Variants in PDS5A observed in about 807,000 individuals in gnomAD.
PDS5A encodes sister chromatid cohesion protein PDS5 homolog A.
PDS5A carries 42 observed loss-of-function variants against 167.1 expected under a neutral mutation model. The ratio of observed to expected loss-of-function variants is 0.25; its 90% CI spans 0.20 to 0.33. PDS5A has a LOEUF of 0.33. Among genes scored for constraint, PDS5A ranks in the 10% least tolerant of loss-of-function variants. PDS5A has a pLI of 1.00. For synonymous variants in PDS5A, 553 were observed against 554.6 expected (o/e 1.00, Z 0.04); for missense variants, 1,033 against 1,605.9 (o/e 0.64, Z 6.10).
intron 2 of PDS5A, among the ~76,000 whole-genome samples, chr4:39,952,811 C>T (rs1198995768): frequency 6.6e-6 from 1 of 151,104 alleles, no homozygotes; most frequent in African/African-American, 2.4e-5. Context: ...TCACTGCAAC[C>T]TCTGCCTCCC....
intron 32 of PDS5A, among the ~76,000 whole-genome samples, chr4:39,834,184 CA>C (rs34080418): frequency 0.071 from 7,700 of 108,214 alleles, 270 homozygotes; most frequent in East Asian, 0.28. Context: ...GATATTGTCT[CA>C]AAAAAAAAAA....
chr4:39,973,280 C>G, intron 2 of PDS5A: 1 of 1,602,160 alleles, frequency 6.2e-7, no homozygotes, highest in South Asian at 1.1e-5. Context: ...TCTTGAGGGG[C>G]AGATGCCAAC....
At chr4:39,853,513 G>C (rs1578609104) in intron 26 of PDS5A, among the ~76,000 whole-genome samples, 1 of 152,108 alleles carries the variant, frequency 6.6e-6, no homozygotes, top group Non-Finnish European at 1.5e-5. Flanking sequence ...CCTACCAGTA[G>C]ACTCTGCTCC....
intron 3 of PDS5A, among the ~76,000 whole-genome samples, chr4:39,927,207 G>T: frequency 6.6e-6 from 1 of 152,148 alleles, no homozygotes; most frequent in East Asian, 1.9e-4. Flanking sequence ...ATTTTAAGGA[G>T]TTGGATATGA....
At chr4:39,891,195 G>T (rs1009176146) in intron 16 of PDS5A, among the ~76,000 whole-genome samples, 2 of 150,920 alleles carry the variant, frequency 1.3e-5, no homozygotes, top group African/African-American at 2.4e-5. Context: ...CACCATGCCC[G>T]GCTAATTTTA....
At chr4:39,921,922 T>C (rs1725014894) in intron 6 of PDS5A, among the ~76,000 whole-genome samples, 1 of 152,220 alleles carries the variant, frequency 6.6e-6, no homozygotes, top group Non-Finnish European at 1.5e-5. Context: ...TCGAGAAGAA[T>C]TTAAAATTAA....
intron 11 of PDS5A, among the ~76,000 whole-genome samples, chr4:39,907,153 G>A (rs549345455): frequency 1.3e-5 from 2 of 152,164 alleles, no homozygotes; most frequent in East Asian, 3.9e-4. Context: ...TTTTTAAATG[G>A]GGGAAGGGAG....
rs1201257109 is a variant in PDS5A at position 39,844,410 on chromosome 4, G to C, written c.3548+246C>G. ...GAATTGCTTGAACCCGGGAGGCAGA[G>C]GTTGCAGTGAACCAAGATTGCGCCA... On this transcript the variant is annotated intron_variant, in intron 30 of 32. Coordinates refer to ENST00000303538, the MANE Select transcript of PDS5A (RefSeq NM_001100399.2). 2.6e-5 allele frequency among the ~76,000 whole-genome samples: 4 copies of C among 151,030 alleles called. No individual in the cohort carries two copies. The South Asian group carries it at 6.2e-4, about 24-fold the overall frequency.
intron 2 of PDS5A, among the ~76,000 whole-genome samples, chr4:39,944,746 T>A (rs1030439862): frequency 6.7e-6 from 1 of 149,844 alleles, no homozygotes; most frequent in African/African-American, 2.5e-5. Flanking sequence ...GCATGGCGGG[T>A]TCAAAGGCTT....
intron 2 of PDS5A, among the ~76,000 whole-genome samples, chr4:39,947,290 C>T (rs147213771): frequency 0.033 from 5,066 of 152,070 alleles, 213 homozygotes; most frequent in East Asian, 0.23. Context: ...CCCATCTCTA[C>T]TAAAAATACA....
In PDS5A at chr4:39,908,557, AAAAC is replaced by A. The variant is rs781360260; in HGVS notation, c.1088-21_1088-18del. ...TTAAATATTCTGTAATAAGAGAAAA[AAAAC>A]TTAGGCTAAATGTTAGCTATGTAAT... On this transcript the variant is annotated intron_variant, in intron 10 of 32. Coordinates refer to ENST00000303538, the MANE Select transcript of PDS5A (RefSeq NM_001100399.2). 6.8e-6 allele frequency: 10 copies of A among 1,478,432 alleles called. No individual in the cohort carries two copies. The African/African-American group carries it at 1.4e-4, about 21-fold the overall frequency. The allele number at this position is 1,478,432 out of a possible 1,614,324, so 91.6% of individuals were successfully genotyped here. A position where few individuals can be genotyped will look rare whatever the true frequency, so the allele number is the denominator to read the frequency against.
At chr4:39,876,628 T>C (rs1290915066) in intron 19 of PDS5A, among the ~76,000 whole-genome samples, 1 of 152,182 alleles carries the variant, frequency 6.6e-6, no homozygotes, top group Non-Finnish European at 1.5e-5. Flanking sequence ...GATAGCAAAG[T>C]GACAGTTATT....
intron 11 of PDS5A, among the ~76,000 whole-genome samples, chr4:39,906,172 A>G (rs1419839213): frequency 6.6e-6 from 1 of 152,216 alleles, no homozygotes; most frequent in African/African-American, 2.4e-5. Flanking sequence ...GTTCGAGACC[A>G]GCTTGGGCAA....
At chr4:39,958,427 A>G (rs1044705412) in intron 2 of PDS5A, among the ~76,000 whole-genome samples, 7 of 150,900 alleles carry the variant, frequency 4.6e-5, no homozygotes, top group Admixed American at 1.3e-4. Flanking sequence ...GAATCGCTTG[A>G]AATCAGAAGG....
chr4:39,930,002 T>G (rs1398937986), intron 2 of PDS5A, among the ~76,000 whole-genome samples: 1 of 149,858 alleles, frequency 6.7e-6, no homozygotes, highest in African/African-American at 2.4e-5. Context: ...GATCACGAGG[T>G]CAGAAGATCG....
chr4:39,891,791 G>C (rs1461244261), intron 16 of PDS5A, among the ~76,000 whole-genome samples: 1 of 152,086 alleles, frequency 6.6e-6, no homozygotes, highest in African/African-American at 2.4e-5. Flanking sequence ...AGTTATGGAA[G>C]GCTGATAGAT....
At chr4:39,866,800 C>G in intron 23 of PDS5A, 61 bp downstream of exon 23, 1 of 1,463,558 alleles carries the variant, frequency 6.8e-7, no homozygotes, top group Admixed American at 1.9e-5. Flanking sequence ...GTAAATAATT[C>G]CTATGTAAAT....
chr4:39,858,061 G>T (rs7679366), intron 26 of PDS5A, among the ~76,000 whole-genome samples: 1 of 151,688 alleles, frequency 6.6e-6, no homozygotes, highest in Non-Finnish European at 1.5e-5. Context: ...ATAAATAAAT[G>T]AATACATAAA....
At chr4:39,900,598 C>T in intron 13 of PDS5A, 91 bp from the exon 14 acceptor site, 7 of 763,546 alleles carry the variant, frequency 9.2e-6, no homozygotes, top group Non-Finnish European at 1.6e-5. Context: ...GCTGTATATA[C>T]ACCATTCTTC....
Sources: allele counts gnomAD v4.1 joint callset (sites outside exome capture counted in the v4.1 genomes callset), GRCh38; gene constraint gnomAD v4.1.1; transcripts MANE v1.5; gene names NCBI Gene and HGNC (gene_info 2026-07-23, HGNC 2026-07-21).